The following TNS1 variants were observed in gnomAD, a reference collection of about 807,000 sequenced individuals.
TNS1 encodes tensin-1.
In TNS1, 62 loss-of-function variants were observed where a neutral mutation model predicts 168.6. That is an observed-to-expected ratio of 0.37 (90% CI 0.30 to 0.45). The LOEUF (loss-of-function observed/expected upper bound fraction) is 0.45, where lower values mean the gene tolerates loss of function less well. TNS1 is among the 20% of genes least tolerant of loss of function. TNS1 has a pLI of 1.00. For synonymous variants in TNS1, 934 were observed against 933.2 expected, an observed-to-expected ratio of 1.00 and a Z score of -0.02; for missense variants, 2,240 against 2,339.4, an observed-to-expected ratio of 0.96 and a Z score of 0.88.
chr2:217,886,471 G>T, intron 13 of TNS1, 63 bp downstream of exon 13: 1 of 1,347,422 alleles, frequency 7.4e-7, no homozygotes, highest in Non-Finnish European at 1.0e-6. Flanking sequence ...GCCTCTTAGA[G>T]AAGATGGAAG....
intron 22 of TNS1, among the ~76,000 whole-genome samples, chr2:217,831,144 G>A (rs1011750848): frequency 5.9e-5 from 9 of 152,068 alleles, no homozygotes; most frequent in African/African-American, 2.2e-4. Flanking sequence ...TGTACCCGAG[G>A]GCCTGAACAC....
Position 217,813,706 on chromosome 2 carries a change from T to C in TNS1, c.4840A>G (p.Ile1614Val). Residue 1614 changes from isoleucine (I) to valine (V), a missense_variant, in exon 26 of 33, where the codon ATC (isoleucine) becomes GTC (valine). This residue lies in a region of TNS1 where 2,131 missense variants were observed against 2,171.2 expected (regional missense o/e 0.98). Coordinates refer to ENST00000682258, the MANE Select transcript of TNS1 (RefSeq NM_001387777.1). This position sits in a 1 kb window ranked among gnomAD's most constrained non-coding sequence, Gnocchi z 4.0. ...TTACCTTTTTTATTCTGCTGCATGA[T>C]GGTTGGAGGTGGCGAAGACACCTTC... is the stretch of plus-strand genomic sequence containing the variant. ...AMKVSSPPPT[I>V]MQQNKKGDMT... 1 of 1,611,992 alleles carries C rather than the reference T, an allele frequency of 6.2e-7. No homozygotes were observed. Among genetic ancestry groups the C allele is most frequent in the South Asian group, 1.1e-5 (1 of 90,812 alleles).
At chr2:217,822,183 C>T (rs528314724) in intron 22 of TNS1, among the ~76,000 whole-genome samples, 1 of 152,258 alleles carries the variant, frequency 6.6e-6, no homozygotes, top group East Asian at 1.9e-4. Flanking sequence ...CAGAACATGG[C>T]CATCAGAGAC....
rs774569280 is a variant in TNS1 at position 217,893,490 on chromosome 2, C to T, written c.666G>A (p.Met222Ile). The part of the protein sequence containing the change: ...LEKICSICKA[M>I]DTWLNADPHN... ...GAGGGTCTGCATTGAGCCATGTGTC[C>T]ATGGCCTTACAGATGCTGCAGATCT... The change falls in exon 10 of 33, where the codon ATG becomes ATA. Residue 222 changes from methionine (M) to isoleucine (I), a missense_variant. Coordinates refer to ENST00000682258, the MANE Select transcript of TNS1 (RefSeq NM_001387777.1). 27 of 1,613,238 alleles carry T rather than the reference C, an allele frequency of 1.7e-5. No individual in the cohort carries two copies. The highest frequency in any genetic ancestry group is 2.3e-5 in the Non-Finnish European group (27 of 1,179,642).
Position 217,847,704 on chromosome 2 carries a change from C to A in TNS1, c.2813G>T (p.Ser938Ile), listed in dbSNP as rs1449130032. The A allele has an allele frequency of 7.5e-6, 12 of 1,605,122 alleles. No individual in the cohort carries two copies. The highest frequency in any genetic ancestry group is 1.0e-5 in the Non-Finnish European group (12 of 1,172,824). Residue 938 changes from serine to isoleucine, a missense_variant, in exon 19 of 33, where the codon AGC (serine) becomes ATC (isoleucine). This residue lies in a region of TNS1 where 2,131 missense variants were observed against 2,171.2 expected (regional missense o/e 0.98). Coordinates refer to ENST00000682258, the MANE Select transcript of TNS1 (RefSeq NM_001387777.1). ...GGCAGGCAAGGAGGAAGAGGCTGGGCTCTTTGAATGGAAATCCTGGTTAGG... is the reference window on the plus strand; with the variant it reads ...GGCAGGCAAGGAGGAAGAGGCTGGGATCTTTGAATGGAAATCCTGGTTAGG... Reference protein sequence around the residue: ...AGPNQDFHSKSPASSSLPAFL... With the variant: ...AGPNQDFHSKIPASSSLPAFL...
chr2:217,921,950 C>G (rs905289563), intron 3 of TNS1, among the ~76,000 whole-genome samples: 1 of 152,158 alleles, frequency 6.6e-6, no homozygotes, highest in African/African-American at 2.4e-5. Context: ...GATTTGAACC[C>G]AGGCAGTCTA....
At chr2:217,973,277 G>A (rs1283070498) in intron 3 of TNS1, among the ~76,000 whole-genome samples, 1 of 150,790 alleles carries the variant, frequency 6.6e-6, no homozygotes, top group Non-Finnish European at 1.5e-5. Flanking sequence ...GAGGATTGAG[G>A]ATGGCTTGAG....
At chr2:217,964,619 C>T (rs112527965) in intron 3 of TNS1, among the ~76,000 whole-genome samples, 2,733 of 152,252 alleles carry the variant, frequency 0.018, 78 homozygotes, top group African/African-American at 0.06. Flanking sequence ...TTGGAAGCTG[C>T]GCGCTGATGT....
chr2:217,814,678 C>T (rs932532718), intron 25 of TNS1, among the ~76,000 whole-genome samples: 3 of 152,206 alleles, frequency 2.0e-5, no homozygotes, highest in African/African-American at 7.2e-5. Flanking sequence ...CCAGGAAAAC[C>T]AAGGCTTTGC....
chr2:217,992,947 C>T (rs1388424276), intron 1 of TNS1, among the ~76,000 whole-genome samples: 1 of 152,204 alleles, frequency 6.6e-6, no homozygotes, highest in African/African-American at 2.4e-5. Flanking sequence ...GTCATCGCCA[C>T]ATAATGACAG....
chr2:218,010,302 T>G, exon 1 of TNS1: 1 of 392,780 alleles, frequency 2.5e-6, no homozygotes. Flanking sequence ...GCGGGCGCCC[T>G]GCCCTACCCT....
At chr2:217,873,015 G>A (rs1949904811) in intron 18 of TNS1, among the ~76,000 whole-genome samples, 1 of 152,200 alleles carries the variant, frequency 6.6e-6, no homozygotes, top group Admixed American at 6.5e-5. Flanking sequence ...GTAGATTAGG[G>A]TTGGGAGTTG....
chr2:217,920,380 T>A, intron 3 of TNS1, 144 bp from the exon 4 acceptor site: 1 of 634,812 alleles, frequency 1.6e-6, no homozygotes, highest in African/African-American at 1.8e-5. Context: ...TTCAGCAGAC[T>A]ATGGAGCAAC....
In TNS1 at chr2:218,008,466, G is replaced by C. The variant is rs146478379; in HGVS notation, c.96+1634C>G. Among the ~76,000 whole-genome samples the C allele has an allele frequency of 7.2e-5, 11 of 152,272 alleles. 1 individual carries two copies. The highest frequency in any genetic ancestry group is 1.9e-4 in the African/African-American group (8 of 41,544). On this transcript the variant is annotated intron_variant, in intron 1 of 32. Transcript: ENST00000646520. ...CCTGGCCGGCCATTTCCCACTTCAG[G>C]CTCCTTTTCTCAAATCTAGAAATCC... is the stretch of plus-strand genomic sequence containing the variant.
At chr2:217,887,994 G>A (rs1319114705) in intron 12 of TNS1, among the ~76,000 whole-genome samples, 28 of 152,210 alleles carry the variant, frequency 1.8e-4, no homozygotes. Context: ...ACATGACCAT[G>A]ATAAGATCCC....
chr2:217,876,025 A>C (rs1339080363), intron 18 of TNS1, among the ~76,000 whole-genome samples: 1 of 152,190 alleles, frequency 6.6e-6, no homozygotes, highest in Non-Finnish European at 1.5e-5. Flanking sequence ...TATCCCTGAG[A>C]AATCTACTTT....
At chr2:217,887,569 A>T (rs1274078073) in intron 12 of TNS1, among the ~76,000 whole-genome samples, 2 of 152,164 alleles carry the variant, frequency 1.3e-5, no homozygotes, top group East Asian at 3.8e-4. Context: ...CGGCCTCCCA[A>T]AGTGCTGGGA....
At chr2:217,809,003 C>T (rs1053855530) in intron 30 of TNS1, among the ~76,000 whole-genome samples, 12 of 152,196 alleles carry the variant, frequency 7.9e-5, no homozygotes, top group Non-Finnish European at 1.6e-4. Context: ...GGGCTCTGCT[C>T]CTAGAAAGCA....
Position 217,959,297 on chromosome 2 carries a change from T to A in TNS1, c.186+19468A>T, listed in dbSNP as rs140253144. 3.7e-4 allele frequency among the ~76,000 whole-genome samples: 56 copies of A among 152,378 alleles called. 1 individual carries two copies. The East Asian group carries it at 8.5e-3, about 23-fold the overall frequency. ...CACAACTCACATAAAGCACTTAGGA[T>A]GGAAACTGGTGTCTTAGCATGGAAC... On this transcript the variant is annotated intron_variant, in intron 3 of 32. Coordinates refer to ENST00000682258, the MANE Select transcript of TNS1 (RefSeq NM_001387777.1).
Sources: gnomAD v4.1 joint callset for allele counts (sites outside exome capture counted in the v4.1 genomes callset) on GRCh38, gnomAD v4.1.1 for gene constraint, gnomAD v4.1.1 regional missense constraint, Gnocchi (gnomAD v3.1) non-coding constraint, MANE v1.5 for transcripts, NCBI Gene and HGNC (gene_info 2026-07-23, HGNC 2026-07-21) for gene names.